Variants in BCAS3 observed in about 807,000 individuals in gnomAD.
BCAS3 encodes BCAS4/BCAS3 fusion.
In BCAS3, 53 loss-of-function variants were observed where a neutral mutation model predicts 116.1. The ratio of observed to expected loss-of-function variants is 0.46; its 90% confidence interval spans 0.37 to 0.57. BCAS3 has a LOEUF of 0.57. BCAS3 is among the 20% of genes least tolerant of loss of function. BCAS3 has a pLI of 0.00. For synonymous variants in BCAS3, 391 were observed against 408.2 expected, an observed-to-expected ratio of 0.96 and a Z score of 0.51; for missense variants, 917 against 1,165.4, an observed-to-expected ratio of 0.79 and a Z score of 3.10.
rs1336871063 is a variant in BCAS3, at chr17:61,171,317, G to C, written c.2425+86753G>C. Among the ~76,000 whole-genome samples the C allele has an allele frequency of 6.6e-6, 1 of 151,794 alleles. No individual in the cohort carries two copies. Among genetic ancestry groups the C allele is most frequent in the African/African-American group, 2.4e-5 (1 of 41,302 alleles). On this transcript the variant is annotated intron_variant, in intron 22 of 23. Transcript: ENST00000407086. The surrounding 1 kb of genome is among the most constrained non-coding windows in gnomAD (Gnocchi z 4.1). ...TCAGTTAACAAATGAGATAAAAATG[G>C]CATCCTAAAAATATTCAGTAGATCC...
chr17:61,317,575 T>C (rs2054851692), intron 22 of BCAS3, among the ~76,000 whole-genome samples: 1 of 152,146 alleles, frequency 6.6e-6, no homozygotes, highest in Admixed American at 6.5e-5. Flanking sequence ...AGGAGAGGGC[T>C]CGGCGTAGAG....
At chr17:61,080,969 G>T (rs1322808370) in intron 21 of BCAS3, among the ~76,000 whole-genome samples, 4 of 152,128 alleles carry the variant, frequency 2.6e-5, no homozygotes, top group Non-Finnish European at 5.9e-5. Context: ...ACAGAATACA[G>T]TGAGAGTGTC....
intron 13 of BCAS3, among the ~76,000 whole-genome samples, chr17:60,934,322 C>T (rs1476118100): frequency 6.6e-6 from 1 of 152,096 alleles, no homozygotes; most frequent in African/African-American, 2.4e-5. Flanking sequence ...AATAAAGGTG[C>T]TCAGTTGATA....
At chr17:60,721,486 A>G (rs1420153266) in intron 5 of BCAS3, among the ~76,000 whole-genome samples, 2 of 152,218 alleles carry the variant, frequency 1.3e-5, no homozygotes, top group Non-Finnish European at 2.9e-5. Context: ...GAACTCTTGC[A>G]TCTGAAACTT....
chr17:60,825,559 T>C (rs1169455921), intron 7 of BCAS3, among the ~76,000 whole-genome samples: 1 of 142,768 alleles, frequency 7.0e-6, no homozygotes, highest in Non-Finnish European at 1.6e-5. Context: ...TTTATAATAA[T>C]TTATAAATAA....
chr17:60,895,771 G>T (rs932119476), intron 10 of BCAS3, among the ~76,000 whole-genome samples: 7 of 152,130 alleles, frequency 4.6e-5, no homozygotes, highest in African/African-American at 1.7e-4. Context: ...AGATTTTAAA[G>T]AATTGACTCA....
At position 61,151,953 on chromosome 17, in the gene BCAS3, G is replaced by A. The variant is rs959106648; in HGVS notation, c.2425+67389G>A. On this transcript the variant is annotated intron_variant, in intron 22 of 23. Transcript: ENST00000407086. This position sits in a 1 kb window ranked among gnomAD's most constrained non-coding sequence, Gnocchi z 4.8. Reference sequence around the variant, plus strand: ...CACATAGTGACACAGTACCGGAAGGGCAAGGATTCTCTGTGTGCCCAGGGA... The same window carrying A: ...CACATAGTGACACAGTACCGGAAGGACAAGGATTCTCTGTGTGCCCAGGGA... Among the ~76,000 whole-genome samples, 1 of 152,172 alleles carries A rather than the reference G, an allele frequency of 6.6e-6. No homozygotes were observed. Among genetic ancestry groups the A allele is most frequent in the Admixed American group, 6.5e-5 (1 of 15,276 alleles).
intron 4 of BCAS3, among the ~76,000 whole-genome samples, chr17:60,706,157 G>C (rs542301538): frequency 1.1e-4 from 16 of 152,086 alleles, no homozygotes; most frequent in Admixed American, 4.6e-4. Context: ...CCACCTCTTG[G>C]GTTCAAGCAA....
rs756795373 is a variant in BCAS3, at chr17:61,368,350, C to CTGCTGGAGGTG, written c.2453_2463dup (p.Gly822TrpfsTer58). 6.2e-7 allele frequency: 1 copy of CTGCTGGAGGTG among 1,604,858 alleles called. No homozygotes were observed. ...AGGTACCTTTGACAGGAGCGTGACC[C>CTGCTGGAGGTG]TGCTGGAGGTGTGCGGGAGCTGGCC... On this transcript the variant is annotated frameshift_variant, in exon 23 of 24. Coordinates refer to ENST00000407086, the MANE Select transcript of BCAS3 (RefSeq NM_017679.5). LOFTEE classifies it high-confidence loss of function. This position sits in a 1 kb window ranked among gnomAD's most constrained non-coding sequence, Gnocchi z 6.0.
chr17:61,115,057 A>T (rs1276374111), intron 22 of BCAS3, among the ~76,000 whole-genome samples: 1 of 150,294 alleles, frequency 6.7e-6, no homozygotes, highest in Non-Finnish European at 1.5e-5. Context: ...CTGAAACTGG[A>T]TCCCTTCCTT....
At chr17:60,685,738 A>G (rs1215584922) in intron 3 of BCAS3, among the ~76,000 whole-genome samples, 2 of 152,170 alleles carry the variant, frequency 1.3e-5, no homozygotes, top group African/African-American at 4.8e-5. Flanking sequence ...TTGGTGTACA[A>G]TCGTAGTCGA....
chr17:60,809,650 C>T (rs1229340003), intron 7 of BCAS3, among the ~76,000 whole-genome samples: 4 of 152,194 alleles, frequency 2.6e-5, no homozygotes, highest in Non-Finnish European at 4.4e-5. Flanking sequence ...AAATTACTGT[C>T]TTGATGACAT....
In BCAS3 at chr17:60,910,628, A is replaced by T; in HGVS notation, c.919A>T (p.Ser307Cys). 6.2e-7 allele frequency: 1 copy of T among 1,613,688 alleles called. No individual in the cohort carries two copies. Among genetic ancestry groups the T allele is most frequent in the East Asian group, 2.2e-5 (1 of 44,810 alleles). ...GVTEDDVAIH[S>C]NSRRSPLVPG... ...GACAGAAGATGATGTTGCCATCCAC[A>T]GTAATTCACGGCGGAGTCCTTTGGT... The change falls in exon 12 of 24, where the codon AGT becomes TGT. Residue 307 changes from serine to cysteine, a missense_variant. Physicochemically the swap from Ser to Cys is moderately radical, Grantham distance 112. Coordinates refer to ENST00000407086, the MANE Select transcript of BCAS3 (RefSeq NM_017679.5).
rs529651973 is a variant in BCAS3, at chr17:61,366,256, T to C, written c.2426-2071T>C. Reference sequence around the variant, plus strand: ...CAGAGAAACGATGATGCTTTAGCACTGTAGCACTAGATCTTGTCAAATAAG... The same window carrying C: ...CAGAGAAACGATGATGCTTTAGCACCGTAGCACTAGATCTTGTCAAATAAG... On this transcript the variant is annotated intron_variant, in intron 22 of 23. Coordinates refer to ENST00000407086, the MANE Select transcript of BCAS3 (RefSeq NM_017679.5). This position sits in a 1 kb window ranked among gnomAD's most constrained non-coding sequence, Gnocchi z 4.5. Among the ~76,000 whole-genome samples, 2 of 152,158 alleles carry C rather than the reference T, an allele frequency of 1.3e-5. No homozygotes were observed. Among genetic ancestry groups the C allele is most frequent in the Non-Finnish European group, 2.9e-5 (2 of 68,028 alleles).
At chr17:60,938,753 G>GATAGATAA (rs2060076034) in intron 13 of BCAS3, among the ~76,000 whole-genome samples, 1 of 151,396 alleles carries the variant, frequency 6.6e-6, no homozygotes, top group South Asian at 2.1e-4. Flanking sequence ...TAGATAGATA[G>GATAGATAA]ATAGATATTG....
chr17:61,391,592 A>C lies in BCAS3; in HGVS notation c.2594-385A>C. On this transcript the variant is annotated intron_variant, in intron 23 of 23. Transcript: ENST00000407086. This position sits in a 1 kb window ranked among gnomAD's most constrained non-coding sequence, Gnocchi z 7.7. ...GCTTCTCCCCGCCTGCCTCCCCTGT[A>C]GAGCCGGGACAGAAGGCACTGTGGA... is the stretch of plus-strand genomic sequence containing the variant. 1 of 177,854 alleles carries C rather than the reference A, an allele frequency of 5.6e-6. No homozygotes were observed. The highest frequency in any genetic ancestry group is 1.2e-5 in the Non-Finnish European group (1 of 85,586). The allele number at this position is 177,854 out of a possible 1,614,324, so 11.0% of individuals were successfully genotyped here.
intron 12 of BCAS3, among the ~76,000 whole-genome samples, chr17:60,919,449 C>T (rs1320293178): frequency 2.0e-5 from 3 of 152,100 alleles, no homozygotes; most frequent in African/African-American, 4.8e-5. Context: ...CTCAGCCTCC[C>T]GAGCATCTGG....
Position 61,300,605 on chromosome 17 carries a change from C to T in BCAS3, c.2426-67722C>T, listed in dbSNP as rs192529377. On this transcript the variant is annotated intron_variant, in intron 22 of 23. Transcript: ENST00000407086. The surrounding 1 kb of genome is among the most constrained non-coding windows in gnomAD (Gnocchi z 5.1). ...ATGTATGGCAGTAAGTAATGCCATG[C>T]GAGGGCAAGCTGGGAACAGTGAACA... Among the ~76,000 whole-genome samples the T allele has an allele frequency of 2.6e-5, 4 of 152,142 alleles. No homozygotes were observed. The highest frequency in any genetic ancestry group is 1.9e-4 in the East Asian group (1 of 5,178).
At chr17:60,684,560 T>C (rs1252027698) in intron 3 of BCAS3, among the ~76,000 whole-genome samples, 1 of 152,006 alleles carries the variant, frequency 6.6e-6, no homozygotes, top group African/African-American at 2.4e-5. Context: ...TTACTGGGAT[T>C]ATCTAGTATA....
Sources: allele counts gnomAD v4.1 joint callset (sites outside exome capture counted in the v4.1 genomes callset), GRCh38; gene constraint gnomAD v4.1.1; non-coding constraint Gnocchi (gnomAD v3.1); transcripts MANE v1.5; gene names NCBI Gene and HGNC (gene_info 2026-07-23, HGNC 2026-07-21).